The following CECR2 variants were observed in gnomAD, a reference collection of about 807,000 sequenced individuals.
CECR2 encodes chromatin remodeling regulator CECR2.
Under a neutral mutation model 154.5 loss-of-function variants are expected in CECR2, and 30 were observed. The ratio of observed to expected loss-of-function variants is 0.19; its 90% CI spans 0.15 to 0.26. CECR2 has a LOEUF of 0.26. Among genes scored for constraint, CECR2 ranks in the 10% least tolerant of loss-of-function variants. The pLI is 1.00. For synonymous variants in CECR2, 725 were observed against 683.7 expected (o/e 1.06, Z -0.94); for missense variants, 1,743 against 1,829.3 (o/e 0.95, Z 0.86).
intron 1 of CECR2, among the ~76,000 whole-genome samples, chr22:17,397,258 G>T (rs1601284243): frequency 6.6e-6 from 1 of 151,994 alleles, no homozygotes; most frequent in East Asian, 1.9e-4. Flanking sequence ...TCCTGCCTCA[G>T]CCTCTCGAGT....
upstream of CECR2, among the ~76,000 whole-genome samples, chr22:17,365,742 T>C (rs2062999099): frequency 6.6e-6 from 1 of 151,692 alleles, no homozygotes; most frequent in Non-Finnish European, 1.5e-5. Context: ...GTGGTTAGCC[T>C]GGCCTGTAGT....
intron 1 of CECR2, among the ~76,000 whole-genome samples, chr22:17,434,110 A>T (rs914746220): frequency 1.3e-5 from 2 of 152,102 alleles, no homozygotes; most frequent in African/African-American, 4.8e-5. Context: ...TCACTTACTT[A>T]CTCTGTGTCA....
chr22:17,536,768 T>C (rs755900991), intron 9 of CECR2, among the ~76,000 whole-genome samples: 4 of 152,138 alleles, frequency 2.6e-5, no homozygotes, highest in Non-Finnish European at 5.9e-5. Context: ...CATTCAACCT[T>C]GTACTTTTTC....
chr22:17,373,633 A>G (rs953817263), intron 1 of CECR2, among the ~76,000 whole-genome samples: 1 of 152,136 alleles, frequency 6.6e-6, no homozygotes, highest in African/African-American at 2.4e-5. Context: ...TGGAAAACAG[A>G]TGAATGACAC....
intron 1 of CECR2, among the ~76,000 whole-genome samples, chr22:17,414,445 G>GTTTCTTT: frequency 7.3e-6 from 1 of 137,004 alleles, no homozygotes; most frequent in South Asian, 2.3e-4. Flanking sequence ...TTCTCACTCA[G>GTTTCTTT]TTTCTTTTTT....
At chr22:17,507,606 GA>G (rs1420731115) in intron 7 of CECR2, among the ~76,000 whole-genome samples, 5 of 151,742 alleles carry the variant, frequency 3.3e-5, no homozygotes, top group African/African-American at 4.8e-5. Context: ...GAATTAAGGG[GA>G]AAAAAAACTT....
rs562256788 is a variant in CECR2 at position 17,376,433 on chromosome 22, G to T, written c.126+6524G>T. Reference sequence around the variant, plus strand: ...CACCTTGGCAGCATTCAGTACTACCGATCATCTGCCCCTTTGATCAAGGGA... The same window carrying T: ...CACCTTGGCAGCATTCAGTACTACCTATCATCTGCCCCTTTGATCAAGGGA... On this transcript the variant is annotated intron_variant, in intron 1 of 18. Coordinates refer to ENST00000262608, the MANE Select transcript of CECR2 (RefSeq NM_001290047.2). Among the ~76,000 whole-genome samples, 308 of 133,722 alleles carry T rather than the reference G, an allele frequency of 2.3e-3. 3 individuals are homozygous for T. The highest frequency in any genetic ancestry group is 9.3e-3 in the African/African-American group (298 of 32,116). The allele number at this position is 133,722 out of a possible 152,430, so 87.7% of individuals were successfully genotyped here.
chr22:17,452,482 G>C (rs1417763929), intron 1 of CECR2, among the ~76,000 whole-genome samples: 1 of 152,174 alleles, frequency 6.6e-6, no homozygotes, highest in Non-Finnish European at 1.5e-5. Flanking sequence ...AAATGTGGTA[G>C]TGGAGGTAGA....
rs1339121774 is a variant in CECR2 at position 17,447,033 on chromosome 22, C to CTGTTTTTTTTTTTTTTTTTTTTTTTT, written c.127-30554_127-30553insGTTTTTTTTTTTTTTTTTTTTTTTTT. On this transcript the variant is annotated intron_variant, in intron 1 of 18. Transcript: ENST00000262608. Reference sequence around the variant, plus strand: ...GAGTGCTGAGTGGTGCGTTTACAATCTTTTTTTTTTTTTTTTTTTGAGACA... The same window carrying CTGTTTTTTTTTTTTTTTTTTTTTTTT: ...GAGTGCTGAGTGGTGCGTTTACAATCTGTTTTTTTTTTTTTTTTTTTTTTTTTTTTTTTTTTTTTTTTTTTGAGACA... Among the ~76,000 whole-genome samples the CTGTTTTTTTTTTTTTTTTTTTTTTTT allele has an allele frequency of 1.2e-4, 14 of 114,104 alleles. 3 individuals are homozygous for CTGTTTTTTTTTTTTTTTTTTTTTTTT. Among genetic ancestry groups the CTGTTTTTTTTTTTTTTTTTTTTTTTT allele is most frequent in the African/African-American group, 3.0e-4 (8 of 26,696 alleles). The allele number at this position is 114,104 out of a possible 152,430, so 74.9% of individuals were successfully genotyped here. A position where few individuals can be genotyped will look rare whatever the true frequency, so the allele number is the denominator to read the frequency against.
In CECR2 at chr22:17,423,314, G is replaced by T. The variant is rs768526953; in HGVS notation, c.126+53405G>T. Among the ~76,000 whole-genome samples the T allele has an allele frequency of 4.3e-4, 65 of 152,028 alleles. 1 individual carries two copies. In the Middle Eastern group the frequency reaches 0.01, roughly 24 times the overall value. On this transcript the variant is annotated intron_variant, in intron 1 of 18. Transcript: ENST00000262608. ...TTGGGTGTTCCCTTCCCCTGCGTCA[G>T]TTAGGCTCTGATAAAACCCTCTCTC...
intron 2 of CECR2, among the ~76,000 whole-genome samples, chr22:17,480,851 C>T (rs1273404444): frequency 6.6e-6 from 1 of 150,864 alleles, no homozygotes; most frequent in African/African-American, 2.4e-5. Flanking sequence ...AGCAGTCTGG[C>T]CAATGTGATG....
chr22:17,539,351 C>A (rs1378721261), intron 13 of CECR2, among the ~76,000 whole-genome samples: 1 of 152,160 alleles, frequency 6.6e-6, no homozygotes, highest in Non-Finnish European at 1.5e-5. Flanking sequence ...TCCTGGAGAC[C>A]AGTCTGGGTC....
At chr22:17,433,642 T>G (rs918416187) in intron 1 of CECR2, among the ~76,000 whole-genome samples, 1 of 152,112 alleles carries the variant, frequency 6.6e-6, no homozygotes, top group Non-Finnish European at 1.5e-5. Flanking sequence ...GACAGGGTTT[T>G]TCTGTGTTCC....
intron 1 of CECR2, among the ~76,000 whole-genome samples, chr22:17,434,901 G>A (rs992300541): frequency 1.3e-5 from 2 of 152,132 alleles, no homozygotes; most frequent in Non-Finnish European, 2.9e-5. Flanking sequence ...ATCTGGCACT[G>A]ATGGAAAGAA....
intron 1 of CECR2, among the ~76,000 whole-genome samples, chr22:17,473,173 A>T (rs1247304825): frequency 6.6e-6 from 1 of 152,164 alleles, no homozygotes; most frequent in Non-Finnish European, 1.5e-5. Context: ...GAAGCTGCAG[A>T]GGGGCAGTGG....
At position 17,556,660 on chromosome 22, in the gene CECR2, G is replaced by GT. The variant is rs2056775112; in HGVS notation, c.*3821dup. The stretch of plus-strand genomic sequence containing the variant: ...GAAGGCCTAATCCTATAGTCACAAG[G>GT]TAAGGACAGTTGAGTAGTGTAAGAA... On this transcript the variant is annotated 3_prime_UTR_variant, in exon 19 of 19. Coordinates refer to ENST00000262608, the MANE Select transcript of CECR2 (RefSeq NM_001290047.2). 2 of 152,282 alleles carry GT rather than the reference G, an allele frequency of 1.3e-5. No homozygotes were observed. The highest frequency in any genetic ancestry group is 4.1e-4 in the South Asian group (2 of 4,824). The allele number at this position is 152,282 out of a possible 1,614,324, so 9.4% of individuals were successfully genotyped here. A position where few individuals can be genotyped will look rare whatever the true frequency, so the allele number is the denominator to read the frequency against.
intron 1 of CECR2, among the ~76,000 whole-genome samples, chr22:17,361,154 C>A (rs114537798): frequency 0.013 from 1,927 of 152,126 alleles, 47 homozygotes; most frequent in African/African-American, 0.045. Flanking sequence ...CAGAGGGAGA[C>A]CCTGTCTCAA....
At chr22:17,441,561 T>G (rs5992713) in intron 1 of CECR2, among the ~76,000 whole-genome samples, 1 of 152,110 alleles carries the variant, frequency 6.6e-6, no homozygotes, top group Non-Finnish European at 1.5e-5. Flanking sequence ...GGAGATTGAC[T>G]AGGGGTTAAA....
At chr22:17,502,018 T>C (rs1454324595) in intron 5 of CECR2, among the ~76,000 whole-genome samples, 1 of 152,238 alleles carries the variant, frequency 6.6e-6, no homozygotes, top group Non-Finnish European at 1.5e-5. Context: ...ATAATGCCAA[T>C]ATAGAACATT....
Sources: allele counts gnomAD v4.1 joint callset (sites outside exome capture counted in the v4.1 genomes callset), GRCh38; gene constraint gnomAD v4.1.1; transcripts MANE v1.5; gene names NCBI Gene and HGNC (gene_info 2026-07-23, HGNC 2026-07-21).